The following KITLG variants were observed in gnomAD, a reference collection of about 807,000 sequenced individuals.
KITLG encodes the protein KIT ligand.
A neutral mutation model predicts 34.1 loss-of-function variants in KITLG; 13 were observed. The ratio of observed to expected loss-of-function variants is 0.38; its 90% CI spans 0.25 to 0.61. The LOEUF is 0.61. Among genes scored for constraint, KITLG ranks in the 20% least tolerant of loss-of-function variants. The pLI, the probability that KITLG is intolerant of heterozygous loss-of-function variation, is 0.60. For missense variants in KITLG, 292 were observed against 318.9 expected (o/e 0.92, Z 0.64); for synonymous variants, 110 against 104.0 (o/e 1.06, Z -0.35).
chr12:88,542,962 C>T (rs1358570334), intron 2 of KITLG, among the ~76,000 whole-genome samples: 1 of 152,146 alleles, frequency 6.6e-6, no homozygotes, highest in African/African-American at 2.4e-5. Flanking sequence ...AGAGTCAAGA[C>T]ATTTTGGTTT....
At chr12:88,572,789 T>A (rs1245874633) in intron 1 of KITLG, among the ~76,000 whole-genome samples, 1 of 151,936 alleles carries the variant, frequency 6.6e-6, no homozygotes, top group East Asian at 1.9e-4. Context: ...TTTGTTTAGT[T>A]CCCACTTTGG....
intron 4 of KITLG, 90 bp from the exon 5 acceptor site, chr12:88,516,580 T>C (rs1869466557): frequency 1.2e-6 from 1 of 828,864 alleles, no homozygotes; most frequent in South Asian, 1.7e-5. Flanking sequence ...CTCTCAAAGA[T>C]TCAAGTATTT....
intron 1 of KITLG, among the ~76,000 whole-genome samples, chr12:88,577,294 T>C (rs1199873256): frequency 6.6e-6 from 1 of 152,200 alleles, no homozygotes; most frequent in Non-Finnish European, 1.5e-5. Flanking sequence ...TGAGAGTTAG[T>C]ATGCCTAAAA....
At chr12:88,533,808 T>C (rs1294758876) in intron 2 of KITLG, among the ~76,000 whole-genome samples, 1 of 152,074 alleles carries the variant, frequency 6.6e-6, no homozygotes, top group South Asian at 2.1e-4. Context: ...GTCTTGTCAA[T>C]AGCTTCTAGA....
chr12:88,512,540 G>A (rs1869316303), intron 6 of KITLG, among the ~76,000 whole-genome samples: 1 of 151,934 alleles, frequency 6.6e-6, no homozygotes, highest in Admixed American at 6.6e-5. Context: ...AGATCCAAAA[G>A]CTTGACAAAT....
At chr12:88,544,388 C>T (rs1008216507) in intron 2 of KITLG, among the ~76,000 whole-genome samples, 1 of 152,000 alleles carries the variant, frequency 6.6e-6, no homozygotes, top group African/African-American at 2.4e-5. Flanking sequence ...AGACTAGAAT[C>T]CAGGTCATTC....
At chr12:88,578,828 C>T (rs1871914136) in intron 1 of KITLG, among the ~76,000 whole-genome samples, 1 of 152,202 alleles carries the variant, frequency 6.6e-6, no homozygotes, top group Non-Finnish European at 1.5e-5. Context: ...GGTCTCTACC[C>T]TTCTTATAAT....
intron 1 of KITLG, among the ~76,000 whole-genome samples, chr12:88,552,213 T>C (rs1870941633): frequency 6.6e-6 from 1 of 151,510 alleles, no homozygotes; most frequent in African/African-American, 2.4e-5. Context: ...CTCTCTCTGT[T>C]GCTCAGGCTG....
chr12:88,503,635 A>G (rs554632379), intron 9 of KITLG, among the ~76,000 whole-genome samples: 8 of 152,306 alleles, frequency 5.3e-5, no homozygotes, highest in Middle Eastern at 3.4e-3. Context: ...CCGCAACAGT[A>G]TCTGCAGCAA....
chr12:88,546,356 C>T (rs551449970), intron 1 of KITLG, among the ~76,000 whole-genome samples: 3 of 152,216 alleles, frequency 2.0e-5, no homozygotes, highest in South Asian at 2.1e-4. Flanking sequence ...ATTTTTAGAC[C>T]TAAGAGAATT....
Position 88,496,421 on chromosome 12 carries a change from T to C in KITLG, c.*798A>G, listed in dbSNP as rs1868643809. ...TAGTGGTCAAGGGAAAAGGCGGACT[T>C]TCCCAGGATGCCAATGTCCTTCTTG... On this transcript the variant is annotated 3_prime_UTR_variant, in exon 10 of 10. Transcript: ENST00000644744. The C allele has an allele frequency of 6.6e-6, 1 of 152,170 alleles. No individual in the cohort carries two copies. Among genetic ancestry groups the C allele is most frequent in the Non-Finnish European group, 1.5e-5 (1 of 68,040 alleles). The allele number at this position is 152,170 out of a possible 1,614,324, so 9.4% of individuals were successfully genotyped here.
At chr12:88,529,422 G>A (rs901744356) in intron 3 of KITLG, among the ~76,000 whole-genome samples, 2 of 152,106 alleles carry the variant, frequency 1.3e-5, no homozygotes, top group African/African-American at 4.8e-5. Flanking sequence ...GGTGATTATC[G>A]TTAGATTTAA....
rs1017119187 is a variant in KITLG at position 88,534,607 on chromosome 12, T to A, written c.130-2104A>T. ...GTCTCAAACTCCTGGCCTCAAGTGA[T>A]CTGCCTGCCTTGGCCTCCCAAAATG... On this transcript the variant is annotated intron_variant, in intron 2 of 9. Coordinates refer to ENST00000644744, the MANE Select transcript of KITLG (RefSeq NM_000899.5). 6 of 466,404 alleles carry A rather than the reference T, an allele frequency of 1.3e-5. No homozygotes were observed. In the Admixed American group the frequency reaches 1.5e-4, roughly 12 times the overall value. The allele number at this position is 466,404 out of a possible 1,614,324, so 28.9% of individuals were successfully genotyped here.
chr12:88,560,470 G>C (rs929351899), intron 1 of KITLG, among the ~76,000 whole-genome samples: 8 of 152,122 alleles, frequency 5.3e-5, no homozygotes, highest in African/African-American at 1.9e-4. Context: ...ATAGATTAAA[G>C]ATCAGCCCTG....
In KITLG at chr12:88,505,162, T is replaced by C; in HGVS notation, c.*34A>G. The C allele has an allele frequency of 6.6e-7, 1 of 1,521,960 alleles. No homozygotes were observed. Among genetic ancestry groups the C allele is most frequent in the Non-Finnish European group, 9.1e-7 (1 of 1,099,634 alleles). The allele number at this position is 1,521,960 out of a possible 1,614,324, so 94.3% of individuals were successfully genotyped here. On this transcript the variant is annotated 3_prime_UTR_variant, in exon 9 of 10. Transcript: ENST00000644744. ...AGGAAAGAAGAAAAAAACTTACCAA[T>C]GTACGAAAGTAACAGTGTTGATACA...
chr12:88,522,878 T>C (rs1181436271), intron 3 of KITLG, among the ~76,000 whole-genome samples: 1 of 152,194 alleles, frequency 6.6e-6, no homozygotes. Flanking sequence ...TGTTCTTTCT[T>C]ATAGGGCCTA....
chr12:88,530,055 T>C (rs923094260), intron 3 of KITLG, among the ~76,000 whole-genome samples: 3 of 152,210 alleles, frequency 2.0e-5, no homozygotes, highest in African/African-American at 7.2e-5. Context: ...TATTCTATGA[T>C]TATACCAGCA....
intron 1 of KITLG, among the ~76,000 whole-genome samples, chr12:88,565,173 A>G (rs1566035960): frequency 6.6e-6 from 1 of 152,254 alleles, no homozygotes; most frequent in Non-Finnish European, 1.5e-5. Context: ...CTCAGTATCC[A>G]AAACTACACA....
At chr12:88,560,677 AAC>A (rs1439021515) in intron 1 of KITLG, among the ~76,000 whole-genome samples, 2 of 152,208 alleles carry the variant, frequency 1.3e-5, no homozygotes, top group Non-Finnish European at 2.9e-5. Flanking sequence ...AGCTTTAGAA[AAC>A]AGTGTGTTGG....
Sources: gnomAD v4.1 joint callset for allele counts (sites outside exome capture counted in the v4.1 genomes callset) on GRCh38, gnomAD v4.1.1 for gene constraint, MANE v1.5 for transcripts, NCBI Gene and HGNC (gene_info 2026-07-23, HGNC 2026-07-21) for gene names.